ABCA10: variants seen among roughly 807,000 people sequenced by gnomAD.
ABCA10 encodes the protein ATP-binding cassette sub-family A member 10.
A neutral mutation model predicts 187.5 loss-of-function variants in ABCA10; 169 were observed. The ratio of observed to expected loss-of-function variants is 0.90; its 90% CI spans 0.80 to 1.02. The LOEUF (loss-of-function observed/expected upper bound fraction) is 1.02, where lower values mean the gene tolerates loss of function less well. Among genes scored for constraint, ABCA10 ranks in the 50% least tolerant of loss-of-function variants. The pLI, the probability that ABCA10 is intolerant of heterozygous loss-of-function variation, is 0.00. For synonymous variants in ABCA10, 574 were observed against 601.8 expected, an observed-to-expected ratio of 0.95 and a Z score of 0.68; for missense variants, 1,727 against 1,812.4, an observed-to-expected ratio of 0.95 and a Z score of 0.86.
intron 1 of ABCA10, chr17:69,234,785 C>T (rs558386703): frequency 6.6e-6 from 1 of 152,312 alleles, no homozygotes; most frequent in Non-Finnish European, 1.5e-5. Flanking sequence ...AGCAATGAAA[C>T]AATGGCGTTC....
intron 9 of ABCA10, among the ~76,000 whole-genome samples, chr17:69,203,754 T>A (rs1402509673): frequency 6.6e-6 from 1 of 151,952 alleles, no homozygotes; most frequent in Admixed American, 6.5e-5. Flanking sequence ...TGCTTTTGGA[T>A]TTTTTGTACA....
intron 9 of ABCA10, among the ~76,000 whole-genome samples, chr17:69,213,424 C>T (rs1489870221): frequency 6.6e-6 from 1 of 151,652 alleles, no homozygotes; most frequent in Non-Finnish European, 1.5e-5. Flanking sequence ...GGGGGAGGGT[C>T]GTTCTCAGAC....
chr17:69,192,682 A>G (rs753972098), intron 15 of ABCA10, 29 bp from the exon 16 acceptor site: 28 of 1,553,888 alleles, frequency 1.8e-5, no homozygotes, highest in Non-Finnish European at 2.3e-5. Context: ...TCAAAAAATT[A>G]TGTGAAGAGT....
chr17:69,159,082 A>G lies in ABCA10; in HGVS notation c.3364-2159T>C, dbSNP rs928369526. Among the ~76,000 whole-genome samples, 5 of 152,056 alleles carry G rather than the reference A, an allele frequency of 3.3e-5. No homozygotes were observed. The East Asian group carries it at 9.6e-4, about 29-fold the overall frequency. On this transcript the variant is annotated intron_variant, in intron 27 of 38. Transcript: ENST00000690296. ...TATTTTAAGAAACAGCAAAAATTAT[A>G]AAACAGGAAAGGGTGACCCACATTC... is the stretch of plus-strand genomic sequence containing the variant.
In ABCA10 at chr17:69,216,004, A is replaced by T. The variant is rs9911160; in HGVS notation, c.673-4T>A. ...TCATGAGGAAAGCCAATGCTATCTG[A>T]AGGAAGAAAGAGGTCTGATTGGTAT... On this transcript the variant is annotated splice_polypyrimidine_tract_variant and splice_region_variant and intron_variant, in intron 7 of 38. Coordinates refer to ENST00000690296, the MANE Select transcript of ABCA10 (RefSeq NM_001377321.1). The T allele has an allele frequency of 1.4e-4, 222 of 1,608,390 alleles. No individual in the cohort carries two copies. The African/African-American group carries it at 2.8e-3, about 20-fold the overall frequency.
intron 6 of ABCA10, among the ~76,000 whole-genome samples, chr17:69,218,741 C>T (rs2074724753): frequency 1.3e-5 from 2 of 152,124 alleles, no homozygotes; most frequent in East Asian, 3.9e-4. Flanking sequence ...ACTGTTTGTG[C>T]TGTGTGATTT....
intron 18 of ABCA10, among the ~76,000 whole-genome samples, chr17:69,188,923 C>T (rs1183629996): frequency 6.6e-6 from 1 of 152,094 alleles, no homozygotes; most frequent in African/African-American, 2.4e-5. Flanking sequence ...TTTTCTTTAT[C>T]CAGTCCACCA....
chr17:69,211,327 AT>A (rs2074651569), intron 9 of ABCA10, among the ~76,000 whole-genome samples: 1 of 33,068 alleles, frequency 3.0e-5, no homozygotes, highest in Admixed American at 2.8e-4. Context: ...ATATATATAT[AT>A]ATATATATAT....
Position 69,182,792 on chromosome 17 carries a change from G to A in ABCA10, c.2514C>T (p.Asp838=), listed in dbSNP as rs773035900. 3 of 1,603,678 alleles carry A rather than the reference G, an allele frequency of 1.9e-6. No individual in the cohort carries two copies. Among genetic ancestry groups the A allele is most frequent in the Non-Finnish European group, 1.7e-6 (2 of 1,175,592 alleles). The part of the protein sequence containing the change: ...IVNNTGSNIE[D]LVHSLKCQDI... ...CCTGACACTTCAGTGAATGCACGAG[G>A]TCTTCAATATTTGATCCTAACATAG... Residue 838 remains aspartate, a synonymous_variant, in exon 21 of 39, where the codon GAC becomes GAT. Transcript: ENST00000690296.
intron 16 of ABCA10, among the ~76,000 whole-genome samples, chr17:69,192,041 T>C (rs998901543): frequency 6.6e-6 from 1 of 152,238 alleles, no homozygotes. Flanking sequence ...AAATGTCGTA[T>C]AGGCCGGGCG....
intron 18 of ABCA10, 56 bp from the exon 19 acceptor site, chr17:69,187,935 A>G: frequency 6.7e-7 from 1 of 1,497,124 alleles, no homozygotes; most frequent in Non-Finnish European, 9.2e-7. Flanking sequence ...CTTTCTCTTT[A>G]AAAACTTTGA....
intron 2 of ABCA10, 23 bp downstream of exon 2, chr17:69,227,114 GATATATAT>G (rs71892045): frequency 1.5e-5 from 2 of 137,416 alleles, no homozygotes; most frequent in South Asian, 4.8e-4. Context: ...ATTAATTATG[GATATATAT>G]ATATATATAT....
intron 27 of ABCA10, among the ~76,000 whole-genome samples, chr17:69,158,115 T>C (rs2074187938): frequency 6.6e-6 from 1 of 152,050 alleles, no homozygotes; most frequent in South Asian, 2.1e-4. Flanking sequence ...AGATAAATAG[T>C]TTATATTTTT....
Position 69,155,251 on chromosome 17 carries a change from A to AG in ABCA10, c.3577-116dup, listed in dbSNP as rs1167324865. ...CCAACTAAATTTAATGCCAGGCTGA[A>AG]GAGCTTTAGCCTCTTTTTTCAAATA... On this transcript the variant is annotated intron_variant, in intron 29 of 38. Transcript: ENST00000690296. 27 of 756,546 alleles carry AG rather than the reference A, an allele frequency of 3.6e-5. No individual in the cohort carries two copies. In the African/African-American group the frequency reaches 4.4e-4, roughly 12 times the overall value. The allele number at this position is 756,546 out of a possible 1,614,324, so 46.9% of individuals were successfully genotyped here. A position where few individuals can be genotyped will look rare whatever the true frequency, so the allele number is the denominator to read the frequency against.
At chr17:69,234,227 A>G (rs1191403010) in intron 1 of ABCA10, 1 of 152,000 alleles carries the variant, frequency 6.6e-6, no homozygotes, top group Admixed American at 6.6e-5. Context: ...GGAAGTTCAG[A>G]CTCCCAGGAT....
chr17:69,187,919 T>C (rs1055762646), intron 18 of ABCA10, 40 bp from the exon 19 acceptor site: 3 of 1,570,728 alleles, frequency 1.9e-6, no homozygotes, highest in African/African-American at 2.7e-5. Context: ...GGCTATGTTA[T>C]CTGAACTTTC....
At chr17:69,238,600 T>C (rs1044234736) in intron 1 of ABCA10, among the ~76,000 whole-genome samples, 5 of 152,186 alleles carry the variant, frequency 3.3e-5, no homozygotes, top group Admixed American at 6.5e-5. Context: ...CTTTGAGTCT[T>C]TGGACTTGTG....
chr17:69,235,587 C>A (rs906563638), intron 1 of ABCA10, among the ~76,000 whole-genome samples: 5 of 152,078 alleles, frequency 3.3e-5, no homozygotes, highest in African/African-American at 1.2e-4. Flanking sequence ...ACTACTCAAG[C>A]GGCCTTACCC....
chr17:69,213,330 G>T (rs1383804587), intron 9 of ABCA10, among the ~76,000 whole-genome samples: 1 of 151,336 alleles, frequency 6.6e-6, no homozygotes, highest in Non-Finnish European at 1.5e-5. Context: ...ACAATCAGGT[G>T]GGGGCAGGGT....
Sources: gnomAD v4.1 joint callset for allele counts (sites outside exome capture counted in the v4.1 genomes callset) on GRCh38, gnomAD v4.1.1 for gene constraint, MANE v1.5 for transcripts, NCBI Gene and HGNC (gene_info 2026-07-23, HGNC 2026-07-21) for gene names.